KCNMB2: variants seen among roughly 807,000 people sequenced by gnomAD.
KCNMB2 encodes the protein calcium-activated potassium channel subunit beta-2.
In KCNMB2, 9 loss-of-function variants were observed where a neutral mutation model predicts 24.5. The observed-to-expected ratio is 0.37, with a 90% CI of 0.22 to 0.64. The LOEUF (loss-of-function observed/expected upper bound fraction) is 0.64, where lower values mean the gene tolerates loss of function less well. Ranked by LOEUF, KCNMB2 falls within the 30% of genes least tolerant of loss-of-function variation. The probability of loss-of-function intolerance (pLI) is 0.63; values close to 1 mark genes in which losing one functional copy is unlikely to be tolerated. For missense variants in KCNMB2, 226 were observed against 284.3 expected, an observed-to-expected ratio of 0.79 and a Z score of 1.47; for synonymous variants, 109 against 104.4, an observed-to-expected ratio of 1.04 and a Z score of -0.27.
intron 1 of KCNMB2, among the ~76,000 whole-genome samples, chr3:178,806,873 G>A (rs1713991558): frequency 6.6e-6 from 1 of 152,098 alleles, no homozygotes; most frequent in Non-Finnish European, 1.5e-5. Flanking sequence ...GTGGGGCACA[G>A]TTAAAGATGA....
At chr3:178,574,284 A>G (rs541587704) in intron 1 of KCNMB2, among the ~76,000 whole-genome samples, 2 of 152,318 alleles carry the variant, frequency 1.3e-5, no homozygotes, top group South Asian at 4.1e-4. Context: ...CACTGAACAC[A>G]CAGGCAGCAG....
chr3:178,566,160 A>G (rs547744988), intron 1 of KCNMB2, among the ~76,000 whole-genome samples: 2 of 152,314 alleles, frequency 1.3e-5, no homozygotes, highest in Admixed American at 1.3e-4. Context: ...TAGATGTTTC[A>G]GATGAAAATG....
intron 4 of KCNMB2, among the ~76,000 whole-genome samples, chr3:178,835,241 T>G (rs1715183152): frequency 6.6e-6 from 1 of 152,038 alleles, no homozygotes; most frequent in Non-Finnish European, 1.5e-5. Flanking sequence ...GAAACAGTCA[T>G]GCATAGCAGT....
intron 1 of KCNMB2, among the ~76,000 whole-genome samples, chr3:178,570,969 G>GT (rs1183231559): frequency 6.6e-6 from 1 of 152,148 alleles, no homozygotes; most frequent in African/African-American, 2.4e-5. Flanking sequence ...GGGAAACTGT[G>GT]TTTCAGACTT....
intron 1 of KCNMB2, among the ~76,000 whole-genome samples, chr3:178,774,192 C>T (rs1712486420): frequency 6.6e-6 from 1 of 152,162 alleles, no homozygotes; most frequent in South Asian, 2.1e-4. Flanking sequence ...CATCTTAATA[C>T]TATCACGCTG....
intron 1 of KCNMB2, among the ~76,000 whole-genome samples, chr3:178,717,406 C>T (rs1559987273): frequency 6.6e-6 from 1 of 152,092 alleles, no homozygotes; most frequent in Non-Finnish European, 1.5e-5. Flanking sequence ...TGATTTCCTT[C>T]CTTGGCTGTA....
intron 1 of KCNMB2, among the ~76,000 whole-genome samples, chr3:178,732,836 G>C (rs1365300680): frequency 6.6e-6 from 1 of 152,130 alleles, no homozygotes; most frequent in African/African-American, 2.4e-5. Context: ...TTTAGTACTC[G>C]CTGGCTCAGT....
At chr3:178,696,060 G>C (rs1316851970) in intron 1 of KCNMB2, among the ~76,000 whole-genome samples, 1 of 152,194 alleles carries the variant, frequency 6.6e-6, no homozygotes, top group Non-Finnish European at 1.5e-5. Flanking sequence ...GAGGCCTCAG[G>C]AAACTTACAA....
chr3:178,777,225 G>A lies in KCNMB2; in HGVS notation c.-67-30118G>A, dbSNP rs1488091089. Among the ~76,000 whole-genome samples the A allele has an allele frequency of 4.6e-5, 7 of 152,120 alleles. No homozygotes were observed. In the East Asian group the frequency reaches 1.3e-3, roughly 29 times the overall value. On this transcript the variant is annotated intron_variant, in intron 1 of 4. Coordinates refer to ENST00000452583, the MANE Select transcript of KCNMB2 (RefSeq NM_181361.3). The stretch of plus-strand genomic sequence containing the variant: ...TCAAGGCAGGCAGATCACAAGGTCA[G>A]GAGTTCAAGACCAGCCTGGCCAACA...
At chr3:178,554,354 T>C (rs1716054391) in intron 1 of KCNMB2, among the ~76,000 whole-genome samples, 1 of 152,226 alleles carries the variant, frequency 6.6e-6, no homozygotes, top group Non-Finnish European at 1.5e-5. Flanking sequence ...GAAATATTTA[T>C]TGGAGTCAAA....
chr3:178,627,513 G>A (rs1267958814), intron 1 of KCNMB2, among the ~76,000 whole-genome samples: 7 of 152,118 alleles, frequency 4.6e-5, no homozygotes, highest in Admixed American at 2.6e-4. Context: ...TGTGAGAAAT[G>A]ATATCTCATT....
chr3:178,828,362 A>G lies in KCNMB2; in HGVS notation c.412A>G (p.Ile138Val). ...CTACCACACAGAAGAGACAATAAAA[A>G]TCAATCAGAAGGTAGGAACTTGGCG... ...LLYHTEETIK[I>V]NQKCSYIPKC... is the part of the protein sequence containing the mutation. Residue 138 changes from isoleucine to valine, a missense_variant, in exon 4 of 5, where the codon ATC becomes GTC. Coordinates refer to ENST00000452583, the MANE Select transcript of KCNMB2 (RefSeq NM_181361.3). 6.2e-7 allele frequency: 1 copy of G among 1,613,086 alleles called. No homozygotes were observed. The highest frequency in any genetic ancestry group is 1.1e-5 in the South Asian group (1 of 90,948).
intron 4 of KCNMB2, among the ~76,000 whole-genome samples, chr3:178,837,777 T>A (rs1028877728): frequency 1.3e-5 from 2 of 152,082 alleles, no homozygotes; most frequent in Non-Finnish European, 2.9e-5. Context: ...TACCAGCTCC[T>A]GTATTACAGT....
intron 3 of KCNMB2, among the ~76,000 whole-genome samples, chr3:178,827,842 T>C (rs1428132874): frequency 6.6e-6 from 1 of 152,146 alleles, no homozygotes; most frequent in African/African-American, 2.4e-5. Context: ...GCCTACAATG[T>C]AGAAATACAG....
chr3:178,621,926 A>G (rs1718937979), intron 1 of KCNMB2, among the ~76,000 whole-genome samples: 1 of 152,196 alleles, frequency 6.6e-6, no homozygotes, highest in South Asian at 2.1e-4. Context: ...TAAGCATAGA[A>G]TCTAGAGACA....
intron 1 of KCNMB2, among the ~76,000 whole-genome samples, chr3:178,786,111 T>C (rs534503542): frequency 4.6e-5 from 7 of 152,252 alleles, no homozygotes; most frequent in East Asian, 1.9e-4. Context: ...CTTTGTCCTA[T>C]TGGCAAAAAG....
chr3:178,624,191 G>A (rs887179470), intron 1 of KCNMB2, among the ~76,000 whole-genome samples: 4 of 150,270 alleles, frequency 2.7e-5, no homozygotes, highest in African/African-American at 9.7e-5. Context: ...AAACCTCAGA[G>A]AATTAAATAA....
chr3:178,841,141 A>G (rs940655284), intron 4 of KCNMB2, among the ~76,000 whole-genome samples: 1 of 152,232 alleles, frequency 6.6e-6, no homozygotes, highest in Non-Finnish European at 1.5e-5. Context: ...AAAGTTCCAC[A>G]TATTTCTATG....
At position 178,808,818 on chromosome 3, in the gene KCNMB2, G is replaced by A. The variant is rs1031583710; in HGVS notation, c.56+1353G>A. Among the ~76,000 whole-genome samples the A allele has an allele frequency of 3.3e-5, 5 of 152,148 alleles. No homozygotes were observed. The East Asian group carries it at 9.6e-4, about 29-fold the overall frequency. ...TATAGGCAAAAGTCTGGAAGAAATA[G>A]CATGGTTTTTACTGCTCTGCTTTCC... On this transcript the variant is annotated intron_variant, in intron 2 of 4. Transcript: ENST00000452583.
Sources: gnomAD v4.1 joint callset for allele counts (sites outside exome capture counted in the v4.1 genomes callset) on GRCh38, gnomAD v4.1.1 for gene constraint, MANE v1.5 for transcripts, NCBI Gene and HGNC (gene_info 2026-07-23, HGNC 2026-07-21) for gene names.